Variants in HOXD10 observed in about 807,000 individuals in gnomAD.
HOXD10 encodes the protein homeobox protein Hox-D10.
In HOXD10, 15 loss-of-function variants were observed where a neutral mutation model predicts 27.0. That is an observed-to-expected ratio of 0.56 (90% confidence interval 0.37 to 0.85). HOXD10 has a LOEUF of 0.85. HOXD10 is among the 40% of genes least tolerant of loss of function. The pLI is 0.00. For synonymous variants in HOXD10, 178 were observed against 160.9 expected, an observed-to-expected ratio of 1.11 and a Z score of -0.80; for missense variants, 440 against 430.4, an observed-to-expected ratio of 1.02 and a Z score of -0.20.
Position 176,119,168 on chromosome 2 carries a change from A to G in HOXD10, c.960A>G (p.Lys320=), listed in dbSNP as rs1427876688. 1.2e-6 allele frequency: 2 copies of G among 1,613,668 alleles called. No homozygotes were observed. The highest frequency in any genetic ancestry group is 8.5e-7 in the Non-Finnish European group (1 of 1,179,996). The change falls in exon 2 of 2, where the codon AAA becomes AAG. Residue 320 remains lysine, a synonymous_variant. Transcript: ENST00000249501. The stretch of plus-strand genomic sequence containing the variant: ...TTTGGTTTCAAAACCGCCGAATGAA[A>G]CTCAAGAAGATGAGCCGAGAGAACC... ...VKIWFQNRRM[K]LKKMSRENRI...
chr2:176,118,815 G>A, intron 1 of HOXD10, 139 bp from the exon 2 acceptor site: 3 of 739,046 alleles, frequency 4.1e-6, no homozygotes, highest in South Asian at 3.6e-5. Flanking sequence ...GCAGGGTCAC[G>A]GCCAAGGGTA....
rs2105394072 is a variant in HOXD10, at chr2:176,117,489, C to A, written c.656C>A (p.Pro219His). The change falls in exon 1 of 2, where the codon CCC becomes CAC. Residue 219 changes from proline to histidine, a missense_variant. Pro to His is a moderately conservative substitution (Grantham distance 77). Coordinates refer to ENST00000249501, the MANE Select transcript of HOXD10 (RefSeq NM_002148.4). ...EPTKVSQVES[P>H]EAKGGLPEER... The stretch of plus-strand genomic sequence containing the variant: ...ACCAAAGTCTCCCAGGTGGAGAGCC[C>A]CGAGGCCAAAGGCGGCCTTCCCGAA... 6.2e-7 allele frequency: 1 copy of A among 1,613,152 alleles called. No individual in the cohort carries two copies. The highest frequency in any genetic ancestry group is 1.6e-4 in the Middle Eastern group (1 of 6,062).
intron 1 of HOXD10, among the ~76,000 whole-genome samples, chr2:176,118,620 G>A (rs1008075854): frequency 6.6e-6 from 1 of 152,194 alleles, no homozygotes; most frequent in Non-Finnish European, 1.5e-5. Context: ...GATCTGGAAA[G>A]TTTACTATTC....
Position 176,117,168 on chromosome 2 carries a change from A to G in HOXD10, c.335A>G (p.Asn112Ser), listed in dbSNP as rs1358129915. Residue 112 changes from asparagine to serine, a missense_variant, in exon 1 of 2, where the codon AAT (asparagine) becomes AGT (serine). Asn to Ser is a conservative substitution (Grantham distance 46). Coordinates refer to ENST00000249501, the MANE Select transcript of HOXD10 (RefSeq NM_002148.4). The part of the protein sequence containing the change: ...SFTTNIKEES[N>S]CCMYSDKRNK... Reference sequence around the variant, plus strand: ...ACCACCAACATTAAGGAAGAATCCAATTGCTGCATGTATTCTGATAAGCGC... The same window carrying G: ...ACCACCAACATTAAGGAAGAATCCAGTTGCTGCATGTATTCTGATAAGCGC... 9.3e-6 allele frequency: 15 copies of G among 1,614,040 alleles called. No homozygotes were observed. Among genetic ancestry groups the G allele is most frequent in the Admixed American group, 1.7e-5 (1 of 60,004 alleles).
At chr2:176,117,709 G>C in intron 1 of HOXD10, 131 bp downstream of exon 1, 2 of 1,015,974 alleles carry the variant, frequency 2.0e-6, no homozygotes, top group Non-Finnish European at 1.5e-6. Flanking sequence ...GTTTTAGAGG[G>C]GTGATCTCAG....
rs1559118269 is a variant in HOXD10 at position 176,118,882 on chromosome 2, A to AAAACC, written c.746-69_746-68insCCAAA. 27 of 777,102 alleles carry AAAACC rather than the reference A, an allele frequency of 3.5e-5. No homozygotes were observed. In the East Asian group the frequency reaches 4.2e-4, roughly 12 times the overall value. The allele number at this position is 777,102 out of a possible 1,614,324, so 48.1% of individuals were successfully genotyped here. A position where few individuals can be genotyped will look rare whatever the true frequency, so the allele number is the denominator to read the frequency against. ...CGAAAACCAAAACCAAAACCAAAAC[A>AAAACC]AAAACAAAAACAAAAACAAACAAAC... is the stretch of plus-strand genomic sequence containing the variant. On this transcript the variant is annotated intron_variant, in intron 1 of 1. Transcript: ENST00000249501.
At position 176,117,581 on chromosome 2, in the gene HOXD10, C is replaced by A. The variant is rs762261800; in HGVS notation, c.745+3C>A. On this transcript the variant is annotated splice_donor_region_variant and intron_variant, in intron 1 of 1. Coordinates refer to ENST00000249501, the MANE Select transcript of HOXD10 (RefSeq NM_002148.4). ...AGTGCAGGAGAAGGAAAGCAAAGGTCGGTATGAGCAGAGTTGCCACCCCAG... is the reference window on the plus strand; with the variant it reads ...AGTGCAGGAGAAGGAAAGCAAAGGTAGGTATGAGCAGAGTTGCCACCCCAG... 6.2e-7 allele frequency: 1 copy of A among 1,612,838 alleles called. No homozygotes were observed. Among genetic ancestry groups the A allele is most frequent in the Admixed American group, 1.7e-5 (1 of 60,032 alleles).
chr2:176,117,205 T>G lies in HOXD10; in HGVS notation c.372T>G (p.Ile124Met), dbSNP rs149038150. The change falls in exon 1 of 2, where the codon ATT becomes ATG. Residue 124 changes from isoleucine (I) to methionine (M), a missense_variant. Coordinates refer to ENST00000249501, the MANE Select transcript of HOXD10 (RefSeq NM_002148.4). Reference sequence around the variant, plus strand: ...ATTCTGATAAGCGCAACAAACTCATTTCGGCCGAGGTCCCTTCGTACCAGA... The same window carrying G: ...ATTCTGATAAGCGCAACAAACTCATGTCGGCCGAGGTCCCTTCGTACCAGA... ...CMYSDKRNKLISAEVPSYQRL... is the reference protein window; with the variant it reads ...CMYSDKRNKLMSAEVPSYQRL... The G allele has an allele frequency of 4.3e-4, 699 of 1,613,132 alleles. 2 individuals carry two copies. Among genetic ancestry groups the G allele is most frequent in the Non-Finnish European group, 5.6e-4 (661 of 1,179,108 alleles).
chr2:176,118,540 G>T, intron 1 of HOXD10, among the ~76,000 whole-genome samples: 1 of 152,204 alleles, frequency 6.6e-6, no homozygotes, highest in South Asian at 2.1e-4. Flanking sequence ...GGGTTGGTAG[G>T]CTTGTCCAGG....
rs1370210405 is a variant in HOXD10, at chr2:176,119,127, G to C, written c.919G>C (p.Asp307His). 2 of 1,613,996 alleles carry C rather than the reference G, an allele frequency of 1.2e-6. No individual in the cohort carries two copies. The highest frequency in any genetic ancestry group is 3.3e-5 in the Admixed American group (2 of 60,014). The change falls in exon 2 of 2, where the codon GAC becomes CAC. Residue 307 changes from aspartate (D) to histidine (H), a missense_variant. Asp to His is a moderately conservative substitution (Grantham distance 81). Coordinates refer to ENST00000249501, the MANE Select transcript of HOXD10 (RefSeq NM_002148.4). ...LEISKSVNLTDRQVKIWFQNR... is the reference protein window; with the variant it reads ...LEISKSVNLTHRQVKIWFQNR... ...GATCAGTAAGAGCGTTAACCTCACC[G>C]ACAGGCAGGTCAAGATTTGGTTTCA...
chr2:176,117,664 G>T (rs1186165413), intron 1 of HOXD10, 86 bp downstream of exon 1: 1 of 1,493,272 alleles, frequency 6.7e-7, no homozygotes, highest in Admixed American at 1.7e-5. Flanking sequence ...CCAGCGCCGA[G>T]CCGGAGCCCG....
chr2:176,117,952 T>C (rs1455856572), intron 1 of HOXD10, among the ~76,000 whole-genome samples: 3 of 152,192 alleles, frequency 2.0e-5, no homozygotes, highest in Non-Finnish European at 4.4e-5. Flanking sequence ...CCAATGATCA[T>C]GTTAAGGTGA....
chr2:176,118,857 CG>C, intron 1 of HOXD10, 96 bp from the exon 2 acceptor site: 1 of 1,107,294 alleles, frequency 9.0e-7, no homozygotes, highest in East Asian at 2.5e-5. Flanking sequence ...AAAACAAAAA[CG>C]AAAACCAAAA....
chr2:176,118,922 T>C (rs773971547), intron 1 of HOXD10, 32 bp from the exon 2 acceptor site: 1 of 1,588,752 alleles, frequency 6.3e-7, no homozygotes, highest in South Asian at 1.1e-5. Context: ...AACCTCTTGA[T>C]TTTTTTCTTC....
Position 176,117,536 on chromosome 2 carries a change from G to A in HOXD10, c.703G>A (p.Val235Ile). The A allele has an allele frequency of 1.2e-6, 2 of 1,613,194 alleles. No homozygotes were observed. The highest frequency in any genetic ancestry group is 2.2e-5 in the East Asian group (1 of 44,888). Residue 235 changes from valine to isoleucine, a missense_variant, in exon 1 of 2, where the codon GTC (valine) becomes ATC (isoleucine). Transcript: ENST00000249501. ...LPEERSCLAE[V>I]SVSSPEVQEK... ...CGAAGAGAGGAGCTGCCTGGCTGAG[G>A]TCTCCGTGTCCAGTCCCGAAGTGCA...
chr2:176,117,171 G>A lies in HOXD10; in HGVS notation c.338G>A (p.Cys113Tyr), dbSNP rs1418587682. 1.9e-6 allele frequency: 3 copies of A among 1,614,174 alleles called. No individual in the cohort carries two copies. The highest frequency in any genetic ancestry group is 4.5e-5 in the East Asian group (2 of 44,880). Reference protein sequence around the residue: ...FTTNIKEESNCCMYSDKRNKL... With the variant: ...FTTNIKEESNYCMYSDKRNKL... ...ACCAACATTAAGGAAGAATCCAATT[G>A]CTGCATGTATTCTGATAAGCGCAAC... The change falls in exon 1 of 2, where the codon TGC becomes TAC. Residue 113 changes from cysteine (C) to tyrosine (Y), a missense_variant. Physicochemically the swap from Cys to Tyr is radical, Grantham distance 194. Transcript: ENST00000249501.
Position 176,117,238 on chromosome 2 carries a change from C to T in HOXD10, c.405C>T (p.Val135=). 6.2e-7 allele frequency: 1 copy of T among 1,611,242 alleles called. No individual in the cohort carries two copies. The highest frequency in any genetic ancestry group is 8.5e-7 in the Non-Finnish European group (1 of 1,177,754). ...AGGTCCCTTCGTACCAGAGGCTGGT[C>T]CCTGAGTCTTGTCCCGTTGAGAACC... ...SAEVPSYQRL[V]PESCPVENPE... The change falls in exon 1 of 2, where the codon GTC becomes GTT. Residue 135 remains valine, a synonymous_variant. Coordinates refer to ENST00000249501, the MANE Select transcript of HOXD10 (RefSeq NM_002148.4).
In HOXD10 at chr2:176,119,221, C is replaced by G; in HGVS notation, c.1013C>G (p.Thr338Arg). The change falls in exon 2 of 2, where the codon ACG becomes AGG. Residue 338 changes from threonine to arginine, a missense_variant. Thr to Arg is a moderately conservative substitution (Grantham distance 71, BLOSUM62 -1). Transcript: ENST00000249501. Reference sequence around the variant, plus strand: ...ATCCGAGAACTGACCGCCAACCTCACGTTTTCTTAGGTCTGAGGCCGGTCT... The same window carrying G: ...ATCCGAGAACTGACCGCCAACCTCAGGTTTTCTTAGGTCTGAGGCCGGTCT... ...NRIRELTANL[T>R]FS The G allele has an allele frequency of 6.2e-7, 1 of 1,613,138 alleles. No homozygotes were observed. Among genetic ancestry groups the G allele is most frequent in the Non-Finnish European group, 8.5e-7 (1 of 1,179,814 alleles).
At position 176,117,464 on chromosome 2, in the gene HOXD10, A is replaced by C. The variant is rs751382680; in HGVS notation, c.631A>C (p.Thr211Pro). ...CGAGCCCGTGAGCGGCCAGGAGCCC[A>C]CCAAAGTCTCCCAGGTGGAGAGCCC... ...MNEPVSGQEP[T>P]KVSQVESPEA... Residue 211 changes from threonine (T) to proline (P), a missense_variant, in exon 1 of 2, where the codon ACC (threonine) becomes CCC (proline). Thr to Pro is a conservative substitution (Grantham distance 38). Transcript: ENST00000249501. 1 of 1,613,120 alleles carries C rather than the reference A, an allele frequency of 6.2e-7. No individual in the cohort carries two copies. The highest frequency in any genetic ancestry group is 2.2e-5 in the East Asian group (1 of 44,890).
Sources: allele counts gnomAD v4.1 joint callset (sites outside exome capture counted in the v4.1 genomes callset), GRCh38; gene constraint gnomAD v4.1.1; transcripts MANE v1.5; gene names NCBI Gene and HGNC (gene_info 2026-07-23, HGNC 2026-07-21).